The following IDO1 variants were observed in gnomAD, a reference collection of about 807,000 sequenced individuals.
IDO1 encodes the protein indolamine 2,3 dioxygenase.
Under a neutral mutation model 38.8 loss-of-function variants are expected in IDO1, and 35 were observed. That is an observed-to-expected ratio of 0.90 (90% CI 0.69 to 1.20). IDO1 has a LOEUF of 1.20. Ranked by LOEUF, IDO1 falls within the 50% of genes most tolerant of loss-of-function variation. IDO1 has a pLI of 0.00. For missense variants in IDO1, 509 were observed against 485.1 expected, an observed-to-expected ratio of 1.05 and a Z score of -0.46; for synonymous variants, 171 against 170.0, an observed-to-expected ratio of 1.01 and a Z score of -0.05.
At chr8:39,919,050 T>A in intron 4 of IDO1, 117 bp downstream of exon 4, 1 of 769,664 alleles carries the variant, frequency 1.3e-6, no homozygotes, top group South Asian at 1.4e-5. Flanking sequence ...TGGGTATGGT[T>A]CCTCTCAGTT....
At position 39,918,946 on chromosome 8, in the gene IDO1, T is replaced by A; in HGVS notation, c.422+13T>A. 1 of 1,418,246 alleles carries A rather than the reference T, an allele frequency of 7.1e-7. No homozygotes were observed. Among genetic ancestry groups the A allele is most frequent in the Non-Finnish European group, 1.0e-6 (1 of 1,001,502 alleles). 87.9% of individuals were successfully genotyped at this position (1,418,246 alleles called of 1,614,324 possible). On this transcript the variant is annotated intron_variant, in intron 4 of 9. Transcript: ENST00000518237. ...AGGATCCTAATAAGTATGTAAACAGTGATAACAACAGGAATTTTTGGAGTG... is the reference window on the plus strand; with the variant it reads ...AGGATCCTAATAAGTATGTAAACAGAGATAACAACAGGAATTTTTGGAGTG...
In IDO1 at chr8:39,918,192, T is replaced by C; in HGVS notation, c.288T>C (p.His96=). ...ITMAYVWGKG[H]GDVRKVLPRN... is the part of the protein sequence containing the mutation. ...TGGCATATGTGTGGGGCAAAGGTCA[T>C]GGAGATGTCCGTAAGGTTTGGAGAT... The change falls in exon 3 of 10, where the codon CAT becomes CAC. Residue 96 remains histidine (H), a synonymous_variant. Transcript: ENST00000518237. 7 of 1,612,210 alleles carry C rather than the reference T, an allele frequency of 4.3e-6. No homozygotes were observed. The highest frequency in any genetic ancestry group is 5.9e-6 in the Non-Finnish European group (7 of 1,178,356).
chr8:39,924,882 A>G, intron 8 of IDO1, 110 bp downstream of exon 8: 1 of 804,814 alleles, frequency 1.2e-6, no homozygotes. Context: ...ATTTACATCC[A>G]AAAATTCACA....
intron 4 of IDO1, 23 bp downstream of exon 4, chr8:39,918,956 A>G: frequency 1.5e-6 from 2 of 1,376,024 alleles, no homozygotes; most frequent in Non-Finnish European, 2.1e-6. Context: ...TGATAACAAC[A>G]GGAATTTTTG....
chr8:39,918,746 CA>C (rs1214540367), intron 3 of IDO1, 68 bp from the exon 4 acceptor site: 14,705 of 291,574 alleles, frequency 0.05, 92 homozygotes, highest in African/African-American at 0.15. Flanking sequence ...GACTCCATCT[CA>C]AAAAAAAAAA....
chr8:39,924,857 T>C, intron 8 of IDO1, 85 bp downstream of exon 8: 1 of 970,140 alleles, frequency 1.0e-6, no homozygotes, highest in Non-Finnish European at 1.6e-6. Flanking sequence ...TAATATCCAT[T>C]GGGTTTGGCT....
intron 5 of IDO1, among the ~76,000 whole-genome samples, chr8:39,922,232 C>G (rs900785285): frequency 2.0e-5 from 3 of 152,178 alleles, no homozygotes; most frequent in African/African-American, 7.2e-5. Context: ...AACTCCTGAC[C>G]TCAGGTGATC....
At chr8:39,923,635 C>A in intron 7 of IDO1, 49 bp downstream of exon 7, 1 of 1,101,496 alleles carries the variant, frequency 9.1e-7, no homozygotes, top group South Asian at 1.3e-5. Context: ...GTCAAATGTT[C>A]CAGGTGTAGA....
At chr8:39,914,247 T>A (rs538479040) in intron 1 of IDO1, 2 of 367,722 alleles carry the variant, frequency 5.4e-6, no homozygotes, top group East Asian at 9.5e-5. Flanking sequence ...CGGAGAGTGG[T>A]GAGAAAGGAA....
chr8:39,917,863 T>C lies in IDO1; in HGVS notation c.88-12T>C. On this transcript the variant is annotated splice_polypyrimidine_tract_variant and intron_variant, in intron 1 of 9. Coordinates refer to ENST00000518237, the MANE Select transcript of IDO1 (RefSeq NM_002164.6). The stretch of plus-strand genomic sequence containing the variant: ...TGCTACTACTAAATAAAGATCTTTT[T>C]TTTTTTTCAAGGAAAATCTACCTGA... The C allele has an allele frequency of 6.4e-7, 1 of 1,566,386 alleles. No homozygotes were observed. Among genetic ancestry groups the C allele is most frequent in the Non-Finnish European group, 8.8e-7 (1 of 1,142,540 alleles).
At chr8:39,924,837 G>T in intron 8 of IDO1, 65 bp downstream of exon 8, 1 of 1,202,496 alleles carries the variant, frequency 8.3e-7, no homozygotes, top group South Asian at 1.3e-5. Context: ...AAATTCTCTT[G>T]GTTGGTCCCT....
intron 5 of IDO1, among the ~76,000 whole-genome samples, chr8:39,921,593 G>A (rs1318294555): frequency 2.6e-5 from 4 of 152,198 alleles, no homozygotes; most frequent in African/African-American, 9.7e-5. Flanking sequence ...CTTTACAGAT[G>A]AGAACACCAA....
rs1320810239 is a variant in IDO1 at position 39,928,334 on chromosome 8, T to C, written c.*149T>C. ...GACCTCAAAATACCTGTGCATTTCT[T>C]GTAGGAAAACAACAAAAGGTAATTA... On this transcript the variant is annotated 3_prime_UTR_variant, in exon 10 of 10. Transcript: ENST00000518237. The C allele has an allele frequency of 6.9e-6, 4 of 575,940 alleles. No individual in the cohort carries two copies. The highest frequency in any genetic ancestry group is 5.6e-5 in the African/African-American group (3 of 53,736). 35.7% of individuals were successfully genotyped at this position (575,940 alleles called of 1,614,324 possible). A position where few individuals can be genotyped will look rare whatever the true frequency, so the allele number is the denominator to read the frequency against.
At chr8:39,927,113 C>T (rs183612900) in intron 9 of IDO1, among the ~76,000 whole-genome samples, 120 of 152,210 alleles carry the variant, frequency 7.9e-4, no homozygotes, top group African/African-American at 2.0e-3. Context: ...TTGATGGGCA[C>T]CTGGGTTCAT....
chr8:39,923,631 T>C (rs763581683), intron 7 of IDO1, 45 bp downstream of exon 7: 1 of 1,123,260 alleles, frequency 8.9e-7, no homozygotes, highest in Admixed American at 1.9e-5. Context: ...ACAAGTCAAA[T>C]GTTCCAGGTG....
Position 39,928,754 on chromosome 8 carries a change from T to A in IDO1, c.*569T>A, listed in dbSNP as rs1023148877. 3.3e-5 allele frequency among the ~76,000 whole-genome samples: 5 copies of A among 151,092 alleles called. 1 individual carries two copies. The South Asian group carries it at 1.0e-3, about 32-fold the overall frequency. ...TCTCAAAAAAAAAAAAAAAAAGATATATTCTGTCATAATAAATAAAAATGC... is the reference window on the plus strand; with the variant it reads ...TCTCAAAAAAAAAAAAAAAAAGATAAATTCTGTCATAATAAATAAAAATGC... On this transcript the variant is annotated 3_prime_UTR_variant, in exon 10 of 10. Coordinates refer to ENST00000518237, the MANE Select transcript of IDO1 (RefSeq NM_002164.6).
At chr8:39,924,496 G>C (rs1323244464) in intron 7 of IDO1, among the ~76,000 whole-genome samples, 2 of 152,054 alleles carry the variant, frequency 1.3e-5, no homozygotes, top group African/African-American at 4.8e-5. Context: ...ACGTCAGTAA[G>C]CACGTAAAGT....
rs746221832 is a variant in IDO1, at chr8:39,924,769, C to G, written c.704C>G (p.Ser235Cys). Residue 235 changes from serine to cysteine, a missense_variant, in exon 8 of 10, where the codon TCT (serine) becomes TGT (cysteine). Physicochemically the swap from Ser to Cys is moderately radical, Grantham distance 112. Coordinates refer to ENST00000518237, the MANE Select transcript of IDO1 (RefSeq NM_002164.6). The part of the protein sequence containing the change: ...AFFSVLRIYL[S>C]GWKGNPQLSD... ...TTCAGTGTTCTTCGCATATATTTGT[C>G]TGGGTATGTAGTCTTATGTTTGAAT... The G allele has an allele frequency of 4.6e-5, 74 of 1,605,650 alleles. No individual in the cohort carries two copies. The highest frequency in any genetic ancestry group is 6.1e-5 in the Non-Finnish European group (72 of 1,173,360).
At chr8:39,918,969 G>C in intron 4 of IDO1, 36 bp downstream of exon 4, 1 of 1,238,768 alleles carries the variant, frequency 8.1e-7, no homozygotes, top group Non-Finnish European at 1.2e-6. Flanking sequence ...AATTTTTGGA[G>C]TGTGTGCCGA....
Sources: allele counts gnomAD v4.1 joint callset (sites outside exome capture counted in the v4.1 genomes callset), GRCh38; gene constraint gnomAD v4.1.1; transcripts MANE v1.5; gene names NCBI Gene and HGNC (gene_info 2026-07-23, HGNC 2026-07-21).